Variants in FAF1 observed in about 807,000 individuals in gnomAD.
FAF1 encodes the protein FAS-associated factor 1.
In FAF1, 25 loss-of-function variants were observed where a neutral mutation model predicts 92.5. The ratio of observed to expected loss-of-function variants is 0.27; its 90% CI spans 0.20 to 0.38. The LOEUF is 0.38. FAF1 is among the 10% of genes least tolerant of loss of function. The probability of loss-of-function intolerance (pLI) is 1.00; values close to 1 mark genes in which losing one functional copy is unlikely to be tolerated. For synonymous variants in FAF1, 234 were observed against 273.2 expected (o/e 0.86, Z 1.42); for missense variants, 636 against 793.3 (o/e 0.80, Z 2.38).
intron 5 of FAF1, among the ~76,000 whole-genome samples, chr1:50,740,498 ATTAGT>A (rs1659339655): frequency 6.6e-6 from 1 of 152,110 alleles, no homozygotes; most frequent in South Asian, 2.1e-4. Context: ...CTTGACTCAT[ATTAGT>A]TATGTGTTAA....
At chr1:50,499,778 G>C (rs969431131) in intron 15 of FAF1, among the ~76,000 whole-genome samples, 5 of 152,026 alleles carry the variant, frequency 3.3e-5, no homozygotes, top group Non-Finnish European at 7.4e-5. Context: ...AAGTGACGCA[G>C]TGGGAGTGGA....
chr1:50,803,313 T>C (rs1662070054), intron 2 of FAF1, among the ~76,000 whole-genome samples: 1 of 152,160 alleles, frequency 6.6e-6, no homozygotes, highest in South Asian at 2.1e-4. Flanking sequence ...AAAAACATTT[T>C]CACTGAGGAA....
At chr1:50,576,822 G>A (rs1262277244) in intron 12 of FAF1, among the ~76,000 whole-genome samples, 1 of 139,078 alleles carries the variant, frequency 7.2e-6, no homozygotes, top group Non-Finnish European at 1.5e-5. Context: ...GTTTTTGTTT[G>A]TTCGTTTTTC....
At chr1:50,926,631 CTGATT>C (rs770595561) in intron 1 of FAF1, among the ~76,000 whole-genome samples, 2 of 152,066 alleles carry the variant, frequency 1.3e-5, no homozygotes, top group African/African-American at 2.4e-5. Flanking sequence ...GCTAATTACT[CTGATT>C]TGATCACTAC....
chr1:50,623,401 C>G (rs1457628420), intron 8 of FAF1, among the ~76,000 whole-genome samples: 9 of 151,760 alleles, frequency 5.9e-5, no homozygotes, highest in Non-Finnish European at 4.4e-5. Flanking sequence ...AACCCTGTCT[C>G]TACTAAAATA....
At chr1:50,445,753 T>C (rs904758608) in intron 18 of FAF1, among the ~76,000 whole-genome samples, 3 of 152,224 alleles carry the variant, frequency 2.0e-5, no homozygotes, top group Non-Finnish European at 2.9e-5. Context: ...AGGTATGGCT[T>C]GATTTTGTCT....
chr1:50,513,415 G>C (rs2149025099), intron 15 of FAF1, among the ~76,000 whole-genome samples: 1 of 152,258 alleles, frequency 6.6e-6, no homozygotes, highest in South Asian at 2.1e-4. Flanking sequence ...GTTTGAGCCT[G>C]GGAGGCGGAG....
At chr1:50,753,157 C>G (rs1257877978) in intron 4 of FAF1, among the ~76,000 whole-genome samples, 1 of 152,068 alleles carries the variant, frequency 6.6e-6, no homozygotes, top group African/African-American at 2.4e-5. Context: ...TTCCATGTGC[C>G]CCTTGGTAAT....
chr1:50,832,551 T>C (rs912269929), intron 2 of FAF1, among the ~76,000 whole-genome samples: 1 of 152,172 alleles, frequency 6.6e-6, no homozygotes, highest in African/African-American at 2.4e-5. Context: ...AAATTTAAAG[T>C]GTGCAATTTC....
At chr1:50,673,554 A>G (rs1250816631) in intron 7 of FAF1, among the ~76,000 whole-genome samples, 7 of 152,242 alleles carry the variant, frequency 4.6e-5, no homozygotes, top group East Asian at 3.8e-4. Flanking sequence ...TGAGGGCGGA[A>G]GGAAACAAAA....
chr1:50,726,089 C>T (rs1388073976), intron 6 of FAF1, among the ~76,000 whole-genome samples: 2 of 151,834 alleles, frequency 1.3e-5, no homozygotes, highest in South Asian at 2.1e-4. Flanking sequence ...CCTGTCTCTA[C>T]TAAAAATACA....
At chr1:50,908,598 G>A (rs1644858713) in intron 1 of FAF1, among the ~76,000 whole-genome samples, 1 of 152,084 alleles carries the variant, frequency 6.6e-6, no homozygotes, top group African/African-American at 2.4e-5. Context: ...AGCTCTTCTT[G>A]TTGAATTGAT....
chr1:50,811,076 T>C (rs1643903228), intron 2 of FAF1, among the ~76,000 whole-genome samples: 1 of 152,096 alleles, frequency 6.6e-6, no homozygotes, highest in African/African-American at 2.4e-5. Context: ...GGCTCATGGC[T>C]GTAATTCCAG....
intron 1 of FAF1, among the ~76,000 whole-genome samples, chr1:50,872,598 T>C (rs1644537372): frequency 6.6e-6 from 1 of 152,176 alleles, no homozygotes. Context: ...CTAGTTTGTG[T>C]AAAATGCTAT....
At chr1:50,476,004 T>C (rs1198795818) in intron 17 of FAF1, among the ~76,000 whole-genome samples, 2 of 152,166 alleles carry the variant, frequency 1.3e-5, no homozygotes, top group African/African-American at 2.4e-5. Flanking sequence ...AAATACCCAA[T>C]TGATACCTTT....
intron 9 of FAF1, among the ~76,000 whole-genome samples, chr1:50,589,947 T>C (rs1004014255): frequency 1.3e-5 from 2 of 152,230 alleles, no homozygotes; most frequent in Admixed American, 6.5e-5. Context: ...CCTTTCTCCA[T>C]TGAATGGGAT....
intron 1 of FAF1, among the ~76,000 whole-genome samples, chr1:50,956,794 C>A (rs937523799): frequency 1.6e-4 from 25 of 152,018 alleles, no homozygotes; most frequent in African/African-American, 6.0e-4. Flanking sequence ...ACTAAAAATA[C>A]AAAATTAGCT....
intron 13 of FAF1, among the ~76,000 whole-genome samples, chr1:50,542,778 T>C (rs917673667): frequency 2.0e-5 from 3 of 152,088 alleles, no homozygotes; most frequent in African/African-American, 7.2e-5. Context: ...CATAGAACAT[T>C]TGAGGAGGGG....
At chr1:50,719,258 C>G (rs547434633) in intron 6 of FAF1, among the ~76,000 whole-genome samples, 10 of 152,300 alleles carry the variant, frequency 6.6e-5, no homozygotes, top group Admixed American at 6.5e-4. Flanking sequence ...ACTAATAATT[C>G]TGAGCTGCAG....
Sources: gnomAD v4.1 joint callset for allele counts (sites outside exome capture counted in the v4.1 genomes callset) on GRCh38, gnomAD v4.1.1 for gene constraint, MANE v1.5 for transcripts, NCBI Gene and HGNC (gene_info 2026-07-23, HGNC 2026-07-21) for gene names.